The following EFCAB6 variants were observed in gnomAD, a reference collection of about 807,000 sequenced individuals.
EFCAB6 encodes EF-hand calcium-binding domain-containing protein 6.
In EFCAB6, 156 loss-of-function variants were observed where a neutral mutation model predicts 169.8. The ratio of observed to expected loss-of-function variants is 0.92; its 90% CI spans 0.81 to 1.05. The LOEUF is 1.05. EFCAB6 is among the 50% of genes least tolerant of loss of function. The pLI, the probability that EFCAB6 is intolerant of heterozygous loss-of-function variation, is 0.00. For missense variants in EFCAB6, 1,800 were observed against 1,829.1 expected (o/e 0.98, Z 0.29); for synonymous variants, 698 against 676.4 (o/e 1.03, Z -0.50).
At chr22:43,574,688 A>G (rs963993048) in intron 26 of EFCAB6, among the ~76,000 whole-genome samples, 1 of 152,130 alleles carries the variant, frequency 6.6e-6, no homozygotes, top group African/African-American at 2.4e-5. Context: ...AAGGGTCACT[A>G]TAAAACAAGA....
intron 10 of EFCAB6, among the ~76,000 whole-genome samples, chr22:43,692,118 T>C (rs1446216219): frequency 6.6e-6 from 1 of 152,138 alleles, no homozygotes; most frequent in East Asian, 1.9e-4. Context: ...ACCAAAATTC[T>C]TACTGGCTCC....
intron 9 of EFCAB6, among the ~76,000 whole-genome samples, chr22:43,713,742 T>C (rs1376275435): frequency 1.3e-5 from 2 of 152,188 alleles, no homozygotes; most frequent in Admixed American, 6.5e-5. Flanking sequence ...TGTCCATCCA[T>C]AGGAGAATGT....
chr22:43,641,770 G>A (rs1039538872), intron 17 of EFCAB6, among the ~76,000 whole-genome samples: 3 of 152,204 alleles, frequency 2.0e-5, no homozygotes, highest in Admixed American at 6.5e-5. Context: ...ATCTCAGTGT[G>A]TGTGCTGGAC....
intron 22 of EFCAB6, among the ~76,000 whole-genome samples, chr22:43,604,433 G>A (rs773250979): frequency 5.3e-5 from 8 of 152,186 alleles, no homozygotes; most frequent in South Asian, 2.1e-4. Context: ...TTCATGTTGA[G>A]CTTAGAGTCT....
intron 2 of EFCAB6, among the ~76,000 whole-genome samples, chr22:43,803,744 A>G (rs2062815800): frequency 6.6e-6 from 1 of 152,146 alleles, no homozygotes; most frequent in African/African-American, 2.4e-5. Context: ...AAAATGCTTC[A>G]CTCTCGGTAA....
intron 27 of EFCAB6, among the ~76,000 whole-genome samples, chr22:43,546,747 C>T (rs1244025950): frequency 6.6e-6 from 1 of 151,778 alleles, no homozygotes; most frequent in African/African-American, 2.4e-5. Flanking sequence ...GTGGTGCGCA[C>T]CTGTAATCCC....
chr22:43,582,369 T>C lies in EFCAB6; in HGVS notation c.3033-1710A>G, dbSNP rs200745971. Among the ~76,000 whole-genome samples, 20 of 129,998 alleles carry C rather than the reference T, an allele frequency of 1.5e-4. 1 individual carries two copies. Among genetic ancestry groups the C allele is most frequent in the South Asian group, 1.0e-3 (4 of 3,992 alleles). The allele number at this position is 129,998 out of a possible 152,430, so 85.3% of individuals were successfully genotyped here. ...ACACACACACACACACACACACACA[T>C]ACACACAGGCGTTGGACTTCTCATA... On this transcript the variant is annotated intron_variant, in intron 24 of 31. Coordinates refer to ENST00000262726, the MANE Select transcript of EFCAB6 (RefSeq NM_022785.4).
intron 24 of EFCAB6, among the ~76,000 whole-genome samples, chr22:43,583,874 C>A (rs1300181981): frequency 2.6e-5 from 4 of 152,026 alleles, no homozygotes; most frequent in Non-Finnish European, 4.4e-5. Context: ...TTTTTTATGG[C>A]AGCCCAAAGG....
intron 25 of EFCAB6, among the ~76,000 whole-genome samples, chr22:43,579,585 CGCAGGCATCATTCCCTGCAT>C (rs2050562670): frequency 4.4e-5 from 6 of 137,642 alleles, no homozygotes; most frequent in African/African-American, 1.1e-4. Context: ...ATTCCCTACA[CGCAGGCATCATTCCCTGCAT>C]GCAGGCATCA....
At chr22:43,699,896 A>G (rs2058705392) in intron 10 of EFCAB6, among the ~76,000 whole-genome samples, 2 of 152,222 alleles carry the variant, frequency 1.3e-5, no homozygotes. Context: ...AACATTCTTA[A>G]CAGGAGAATG....
At chr22:43,737,676 T>A (rs1253369394) in intron 6 of EFCAB6, among the ~76,000 whole-genome samples, 1 of 130,038 alleles carries the variant, frequency 7.7e-6, no homozygotes, top group East Asian at 2.5e-4. Flanking sequence ...CATATATTCA[T>A]ACACACCTGT....
intron 4 of EFCAB6, 30 bp downstream of exon 4, chr22:43,772,862 G>C (rs1700151225): frequency 6.2e-7 from 1 of 1,609,220 alleles, no homozygotes; most frequent in African/African-American, 1.3e-5. Context: ...CTGGAATTGA[G>C]GGATTCTAAG....
At chr22:43,748,942 ACT>A (rs2060659960) in intron 6 of EFCAB6, among the ~76,000 whole-genome samples, 2 of 152,146 alleles carry the variant, frequency 1.3e-5, no homozygotes, top group African/African-American at 4.8e-5. Flanking sequence ...TGAACGGATA[ACT>A]CTGGCTGTTG....
Position 43,716,949 on chromosome 22 carries a change from C to G in EFCAB6, c.781G>C (p.Ala261Pro). Reference sequence around the variant, plus strand: ...AAACGTTCCTTTTTGGAATTTTTGGCTTGTTGATTCTCCAACGAGACCTCT... The same window carrying G: ...AAACGTTCCTTTTTGGAATTTTTGGGTTGTTGATTCTCCAACGAGACCTCT... ...NQEVSLENQQ[A>P]KNSKKERLLG... The change falls in exon 9 of 32, where the codon GCC becomes CCC. Residue 261 changes from alanine (A) to proline (P), a missense_variant. Coordinates refer to ENST00000262726, the MANE Select transcript of EFCAB6 (RefSeq NM_022785.4). 1 of 1,564,460 alleles carries G rather than the reference C, an allele frequency of 6.4e-7. No individual in the cohort carries two copies. The highest frequency in any genetic ancestry group is 8.6e-7 in the Non-Finnish European group (1 of 1,157,020).
At chr22:43,555,168 C>T (rs757278196) in intron 26 of EFCAB6, 72 bp from the exon 27 acceptor site, 4 of 1,520,154 alleles carry the variant, frequency 2.6e-6, no homozygotes, top group Non-Finnish European at 3.6e-6. Flanking sequence ...GCTCCTCACC[C>T]AGGGCAAGTT....
At chr22:43,770,483 C>A (rs536764453) in intron 4 of EFCAB6, among the ~76,000 whole-genome samples, 1 of 152,198 alleles carries the variant, frequency 6.6e-6, no homozygotes, top group East Asian at 1.9e-4. Context: ...TAACTATGTT[C>A]AATGAGTTGA....
chr22:43,703,091 C>T (rs1254739691), intron 10 of EFCAB6, among the ~76,000 whole-genome samples: 1 of 152,166 alleles, frequency 6.6e-6, no homozygotes, highest in African/African-American at 2.4e-5. Context: ...CCTTGGGACC[C>T]CTCCTGCAAC....
At chr22:43,614,388 T>C (rs1169964343) in intron 21 of EFCAB6, among the ~76,000 whole-genome samples, 1 of 152,068 alleles carries the variant, frequency 6.6e-6, no homozygotes, top group Non-Finnish European at 1.5e-5. Context: ...AAGACAGTCT[T>C]TTCAATAAAT....
chr22:43,574,311 AG>A (rs2050091847), intron 26 of EFCAB6, among the ~76,000 whole-genome samples: 1 of 152,144 alleles, frequency 6.6e-6, no homozygotes, highest in South Asian at 2.1e-4. Context: ...AAAATGCGTT[AG>A]AAAAAAAAAA....
Sources: allele counts gnomAD v4.1 joint callset (sites outside exome capture counted in the v4.1 genomes callset), GRCh38; gene constraint gnomAD v4.1.1; transcripts MANE v1.5; gene names NCBI Gene and HGNC (gene_info 2026-07-23, HGNC 2026-07-21).